The following SLC24A2 variants were observed in gnomAD, a reference collection of about 807,000 sequenced individuals.
The protein encoded by SLC24A2 is solute carrier family 24 member 2.
In SLC24A2, 36 loss-of-function variants were observed where a neutral mutation model predicts 62.0. That is an observed-to-expected ratio of 0.58 (90% CI 0.44 to 0.77). SLC24A2 has a LOEUF of 0.77. Ranked by LOEUF, SLC24A2 falls within the 30% of genes least tolerant of loss-of-function variation. The pLI is 0.00. For missense variants in SLC24A2, 846 were observed against 817.9 expected, an observed-to-expected ratio of 1.03 and a Z score of -0.42; for synonymous variants, 358 against 294.0, an observed-to-expected ratio of 1.22 and a Z score of -2.23.
chr9:20,109,694 C>A, the SLC24A2 span, among the ~76,000 whole-genome samples: 2 of 152,162 alleles, frequency 1.3e-5, no homozygotes, highest in Admixed American at 1.3e-4. Context: ...TACACCTATT[C>A]CCTCTATTGA....
At chr9:19,956,580 G>A in the SLC24A2 span, among the ~76,000 whole-genome samples, 5 of 152,194 alleles carry the variant, frequency 3.3e-5, no homozygotes, top group East Asian at 7.7e-4. Flanking sequence ...GCAAGGAGGA[G>A]CAAGTGACAT....
At chr9:19,978,407 C>T in the SLC24A2 span, among the ~76,000 whole-genome samples, 13 of 151,776 alleles carry the variant, frequency 8.6e-5, no homozygotes, top group Non-Finnish European at 1.6e-4. Flanking sequence ...CCTTCCCTCG[C>T]CCCTCTTTTT....
chr9:19,834,305 G>T, the SLC24A2 span, among the ~76,000 whole-genome samples: 2 of 150,440 alleles, frequency 1.3e-5, no homozygotes, highest in Non-Finnish European at 1.5e-5. Flanking sequence ...CGAACCAATG[G>T]CAAAGAAGTT....
chr9:20,102,443 G>A, the SLC24A2 span, among the ~76,000 whole-genome samples: 11 of 141,196 alleles, frequency 7.8e-5, no homozygotes, highest in South Asian at 7.5e-4. Context: ...GTTGAACATT[G>A]AGAACACATA....
chr9:20,218,969 G>T, the SLC24A2 span, among the ~76,000 whole-genome samples: 1 of 152,152 alleles, frequency 6.6e-6, no homozygotes, highest in African/African-American at 2.4e-5. Context: ...TTGATGAAGT[G>T]CTGAGGGCTT....
At chr9:20,082,409 A>G in the SLC24A2 span, among the ~76,000 whole-genome samples, 35 of 152,314 alleles carry the variant, frequency 2.3e-4, no homozygotes, top group African/African-American at 7.9e-4. Flanking sequence ...CTCTTCTCCA[A>G]GTTTATTCAA....
chr9:20,150,946 G>C, the SLC24A2 span, among the ~76,000 whole-genome samples: 3 of 151,904 alleles, frequency 2.0e-5, no homozygotes, highest in East Asian at 5.8e-4. Flanking sequence ...ATTTTCTACA[G>C]GGAATATGTA....
intron 7 of SLC24A2, among the ~76,000 whole-genome samples, chr9:19,555,221 A>C (rs1835024441): frequency 6.6e-6 from 1 of 152,216 alleles, no homozygotes; most frequent in African/African-American, 2.4e-5. Flanking sequence ...TTAGTTCTTT[A>C]CAGTGCAAGT....
At chr9:19,859,059 C>A in the SLC24A2 span, among the ~76,000 whole-genome samples, 6,329 of 152,162 alleles carry the variant, frequency 0.042, 415 homozygotes, top group African/African-American at 0.14. Flanking sequence ...ATGTTCATTG[C>A]AGCACTAGTC....
At chr9:19,770,218 T>C (rs79263153) in intron 2 of SLC24A2, among the ~76,000 whole-genome samples, 24 of 152,022 alleles carry the variant, frequency 1.6e-4, no homozygotes, top group African/African-American at 3.6e-4. Flanking sequence ...ATTTAGAGCA[T>C]TGATCTTCTG....
At chr9:19,758,073 A>C (rs1822201258) in intron 2 of SLC24A2, among the ~76,000 whole-genome samples, 2 of 152,184 alleles carry the variant, frequency 1.3e-5, no homozygotes, top group Non-Finnish European at 2.9e-5. Flanking sequence ...TTTTCTTTAT[A>C]AATTATCTAG....
At chr9:20,244,425 C>T in the SLC24A2 span, among the ~76,000 whole-genome samples, 1 of 152,118 alleles carries the variant, frequency 6.6e-6, no homozygotes, top group South Asian at 2.1e-4. Flanking sequence ...GGCCCTCACC[C>T]CCAGGCCAGG....
chr9:20,072,424 G>A, the SLC24A2 span, among the ~76,000 whole-genome samples: 11 of 152,186 alleles, frequency 7.2e-5, no homozygotes, highest in South Asian at 8.3e-4. Flanking sequence ...TAAAGTACCC[G>A]AGGATTATAA....
the SLC24A2 span, among the ~76,000 whole-genome samples, chr9:20,042,394 T>G: frequency 6.6e-6 from 1 of 152,202 alleles, no homozygotes; most frequent in African/African-American, 2.4e-5. Context: ...CATCTGAGCC[T>G]TCTGGAAGAA....
the SLC24A2 span, among the ~76,000 whole-genome samples, chr9:19,828,182 A>G: frequency 2.0e-5 from 3 of 152,204 alleles, 1 homozygote; most frequent in Non-Finnish European, 4.4e-5. Context: ...AATACAGTGA[A>G]TGAAATCTAG....
chr9:20,306,117 A>G, the SLC24A2 span, among the ~76,000 whole-genome samples: 1 of 152,176 alleles, frequency 6.6e-6, no homozygotes, highest in Non-Finnish European at 1.5e-5. Context: ...TCAATGTATG[A>G]ATTGGATAGG....
At chr9:19,558,339 C>T (rs771824954) in intron 7 of SLC24A2, among the ~76,000 whole-genome samples, 18 of 152,154 alleles carry the variant, frequency 1.2e-4, no homozygotes, top group African/African-American at 4.1e-4. Context: ...CACCAATGAA[C>T]ATCAGGACCT....
chr9:20,089,573 G>A, the SLC24A2 span, among the ~76,000 whole-genome samples: 10 of 152,088 alleles, frequency 6.6e-5, no homozygotes, highest in African/African-American at 2.2e-4. Flanking sequence ...TCACCAGGCA[G>A]GGCCCCTAGC....
At chr9:20,186,482 G>C in the SLC24A2 span, among the ~76,000 whole-genome samples, 10 of 152,000 alleles carry the variant, frequency 6.6e-5, no homozygotes, top group African/African-American at 2.4e-4. Flanking sequence ...CAACCACTTT[G>C]CCTGGACCAC....
Sources: allele counts gnomAD v4.1 joint callset (sites outside exome capture counted in the v4.1 genomes callset), GRCh38; gene constraint gnomAD v4.1.1; transcripts MANE v1.5; gene names NCBI Gene and HGNC (gene_info 2026-07-23, HGNC 2026-07-21).